CSMD3: variants seen among roughly 807,000 people sequenced by gnomAD.
CSMD3 encodes CUB and Sushi multiple domains 3.
Under a neutral mutation model 435.2 loss-of-function variants are expected in CSMD3, and 177 were observed. The ratio of observed to expected loss-of-function variants is 0.41; its 90% confidence interval spans 0.36 to 0.46. The LOEUF (loss-of-function observed/expected upper bound fraction) is 0.46. Ranked by LOEUF, CSMD3 falls within the 20% of genes least tolerant of loss-of-function variation. CSMD3 has a pLI of 0.34. For synonymous variants in CSMD3, 1,656 were observed against 1,520.5 expected, an observed-to-expected ratio of 1.09 and a Z score of -2.07; for missense variants, 4,265 against 4,504.6, an observed-to-expected ratio of 0.95 and a Z score of 1.52.
At chr8:112,582,549 T>C (rs369159276) in intron 23 of CSMD3, among the ~76,000 whole-genome samples, 1 of 151,876 alleles carries the variant, frequency 6.6e-6, no homozygotes, top group African/African-American at 2.4e-5. Context: ...CGCCAAATCA[T>C]AGGGCTATCT....
At chr8:112,345,195 T>A (rs58800664) in intron 41 of CSMD3, among the ~76,000 whole-genome samples, 1 of 152,056 alleles carries the variant, frequency 6.6e-6, no homozygotes, top group South Asian at 2.1e-4. Context: ...CACAAAAAAA[T>A]TTAAAACAGA....
chr8:112,406,544 T>C lies in CSMD3; in HGVS notation c.5789A>G (p.Asp1930Gly). 1 of 1,609,162 alleles carries C rather than the reference T, an allele frequency of 6.2e-7. No individual in the cohort carries two copies. The highest frequency in any genetic ancestry group is 8.5e-7 in the Non-Finnish European group (1 of 1,176,250). The change falls in exon 35 of 71, where the codon GAT (aspartate) becomes GGT (glycine). Residue 1930 changes from aspartate to glycine, a missense_variant. This residue lies in a region of CSMD3 where 3,255 missense variants were observed against 3,380.2 expected (regional missense o/e 0.96). Coordinates refer to ENST00000297405, the MANE Select transcript of CSMD3 (RefSeq NM_198123.2). ...CTCACCAATACAAGTAGGTAAGGAA[T>C]CATTCCACTGGGCCAAAGAATTGGG... ...TVPNSLAQWNDSLPTCIVPCG... is the reference protein window; with the variant it reads ...TVPNSLAQWNGSLPTCIVPCG...
rs540712590 is a variant in CSMD3 at position 112,437,454 on chromosome 8, C to T, written c.5396-28422G>A. ...ACAACTTACATAGCCTTTGTCACGA[C>T]GGAATATGTATTCACTAAATGGATG... On this transcript the variant is annotated intron_variant, in intron 32 of 70. Transcript: ENST00000297405. Among the ~76,000 whole-genome samples, 13 of 152,034 alleles carry T rather than the reference C, an allele frequency of 8.6e-5. No individual in the cohort carries two copies. In the East Asian group the frequency reaches 1.4e-3, roughly 16 times the overall value.
chr8:112,553,545 AT>A (rs1437860030), intron 25 of CSMD3, among the ~76,000 whole-genome samples: 2 of 152,006 alleles, frequency 1.3e-5, no homozygotes, highest in African/African-American at 2.4e-5. Context: ...TGCCTTACAC[AT>A]TTGAATCTTT....
At chr8:112,858,610 A>G (rs907779873) in intron 11 of CSMD3, among the ~76,000 whole-genome samples, 4 of 151,870 alleles carry the variant, frequency 2.6e-5, no homozygotes, top group Non-Finnish European at 5.9e-5. Context: ...ATAGTGGCAC[A>G]TACATATTTA....
intron 24 of CSMD3, among the ~76,000 whole-genome samples, chr8:112,572,832 A>G (rs1829642618): frequency 6.6e-6 from 1 of 152,046 alleles, no homozygotes; most frequent in South Asian, 2.1e-4. Flanking sequence ...AATAGAATTT[A>G]TTTTTCATTG....
intron 5 of CSMD3, among the ~76,000 whole-genome samples, chr8:113,031,745 C>T (rs1276181153): frequency 6.6e-6 from 1 of 151,522 alleles, no homozygotes; most frequent in Admixed American, 6.6e-5. Context: ...ATGAAAAATG[C>T]TTCTCTTGGG....
intron 10 of CSMD3, among the ~76,000 whole-genome samples, chr8:112,900,874 T>C (rs1233498419): frequency 5.9e-5 from 9 of 151,312 alleles, no homozygotes; most frequent in Non-Finnish European, 1.0e-4. Flanking sequence ...GAGGAGATAT[T>C]AGGTAGAGGC....
chr8:113,171,458 T>G (rs917198038), intron 4 of CSMD3, among the ~76,000 whole-genome samples: 1 of 152,128 alleles, frequency 6.6e-6, no homozygotes, highest in African/African-American at 2.4e-5. Context: ...CATTGAAATC[T>G]CTTCAAAGTA....
At chr8:112,376,331 C>T (rs1176775805) in intron 38 of CSMD3, among the ~76,000 whole-genome samples, 1 of 151,948 alleles carries the variant, frequency 6.6e-6, no homozygotes, top group African/African-American at 2.4e-5. Context: ...GCTGGTTGAA[C>T]AAAGAATGAA....
intron 60 of CSMD3, 141 bp downstream of exon 60, chr8:112,265,270 A>T: frequency 2.3e-6 from 1 of 430,916 alleles, no homozygotes; most frequent in Non-Finnish European, 4.0e-6. Flanking sequence ...ATTTTTAAGA[A>T]ACAGCCATTT....
chr8:112,435,282 C>T (rs886089047), intron 32 of CSMD3, among the ~76,000 whole-genome samples: 1 of 151,994 alleles, frequency 6.6e-6, no homozygotes, highest in African/African-American at 2.4e-5. Flanking sequence ...CAATACTTTA[C>T]AAAAACAACA....
chr8:113,271,994 A>G (rs1204971697), intron 3 of CSMD3, among the ~76,000 whole-genome samples: 1 of 152,162 alleles, frequency 6.6e-6, no homozygotes, highest in African/African-American at 2.4e-5. Context: ...ACTGCCCCAC[A>G]GGATTTCAGA....
intron 38 of CSMD3, among the ~76,000 whole-genome samples, chr8:112,377,807 T>C (rs1445198041): frequency 6.6e-6 from 1 of 152,120 alleles, no homozygotes; most frequent in African/African-American, 2.4e-5. Context: ...CATTTCATTA[T>C]TAAAAACTCT....
chr8:113,104,143 G>T (rs1375462085), intron 4 of CSMD3, among the ~76,000 whole-genome samples: 3 of 152,098 alleles, frequency 2.0e-5, no homozygotes, highest in Non-Finnish European at 1.5e-5. Flanking sequence ...AAATAGCTTA[G>T]TGTTGGGGGT....
chr8:112,864,468 C>T (rs1318857171), intron 10 of CSMD3, among the ~76,000 whole-genome samples: 7 of 152,032 alleles, frequency 4.6e-5, no homozygotes, highest in African/African-American at 1.5e-4. Flanking sequence ...CCAGGCTGGT[C>T]TTGAACTCCT....
At chr8:113,384,971 C>A (rs559027569) in intron 1 of CSMD3, among the ~76,000 whole-genome samples, 11 of 152,006 alleles carry the variant, frequency 7.2e-5, no homozygotes, top group Non-Finnish European at 1.3e-4. Flanking sequence ...TAGTGAATAG[C>A]TTAATAACCA....
intron 13 of CSMD3, among the ~76,000 whole-genome samples, chr8:112,715,527 C>G (rs1272634776): frequency 6.6e-6 from 1 of 152,182 alleles, no homozygotes; most frequent in African/African-American, 2.4e-5. Context: ...CCTTCTGAGA[C>G]TATTCCAAAG....
At chr8:112,721,206 G>A (rs779799036) in intron 13 of CSMD3, among the ~76,000 whole-genome samples, 21 of 152,174 alleles carry the variant, frequency 1.4e-4, no homozygotes, top group Middle Eastern at 6.8e-3. Context: ...TTTGATATGT[G>A]AACAATTGGA....
Sources: allele counts gnomAD v4.1 joint callset (sites outside exome capture counted in the v4.1 genomes callset), GRCh38; gene constraint gnomAD v4.1.1; regional missense constraint gnomAD v4.1.1; transcripts MANE v1.5; gene names NCBI Gene and HGNC (gene_info 2026-07-23, HGNC 2026-07-21).